Variants in HSD17B12 observed in about 807,000 individuals in gnomAD.
HSD17B12 encodes the protein hydroxysteroid 17-beta dehydrogenase 12.
A neutral mutation model predicts 39.3 loss-of-function variants in HSD17B12; 32 were observed. That is an observed-to-expected ratio of 0.81 (90% CI 0.61 to 1.09). The LOEUF (loss-of-function observed/expected upper bound fraction) is 1.09, where lower values mean the gene tolerates loss of function less well. Among genes scored for constraint, HSD17B12 ranks in the 50% least tolerant of loss-of-function variants. The pLI is 0.00. For synonymous variants in HSD17B12, 150 were observed against 146.7 expected, an observed-to-expected ratio of 1.02 and a Z score of -0.16; for missense variants, 342 against 382.9, an observed-to-expected ratio of 0.89 and a Z score of 0.89.
chr11:43,621,775 C>A, the HSD17B12 span, among the ~76,000 whole-genome samples: 1 of 152,192 alleles, frequency 6.6e-6, no homozygotes. Context: ...AATTCTCCAA[C>A]TAGAAATGGA....
chr11:43,561,735 GAAAGAA>G, the HSD17B12 span, among the ~76,000 whole-genome samples: 2 of 152,026 alleles, frequency 1.3e-5, no homozygotes, highest in African/African-American at 4.8e-5. Context: ...ACAGTACCTA[GAAAGAA>G]AAAGAAAAAG....
chr11:43,661,223 T>A, the HSD17B12 span, among the ~76,000 whole-genome samples: 4 of 152,168 alleles, frequency 2.6e-5, no homozygotes, highest in Non-Finnish European at 5.9e-5. Context: ...AAAAACCACA[T>A]GCTGCATGAT....
intron 1 of HSD17B12, among the ~76,000 whole-genome samples, chr11:43,690,373 TATATATATATATATA>T (rs1565049538): frequency 1.3e-3 from 19 of 14,200 alleles, no homozygotes; most frequent in South Asian, 3.6e-3. Context: ...TATATATATA[TATATATATATATATA>T]TATATATATA....
At chr11:43,603,263 T>TGAA in the HSD17B12 span, among the ~76,000 whole-genome samples, 1 of 152,220 alleles carries the variant, frequency 6.6e-6, no homozygotes, top group Non-Finnish European at 1.5e-5. Context: ...TCTGCAGGCA[T>TGAA]GAACATACAT....
intron 1 of HSD17B12, among the ~76,000 whole-genome samples, chr11:43,685,175 C>T (rs1257912244): frequency 1.3e-5 from 2 of 152,106 alleles, no homozygotes; most frequent in African/African-American, 4.8e-5. Flanking sequence ...TGATGGAACT[C>T]GTTTGGCTTT....
intron 3 of HSD17B12, among the ~76,000 whole-genome samples, chr11:43,780,726 T>C (rs1198886461): frequency 2.0e-5 from 3 of 152,176 alleles, no homozygotes; most frequent in African/African-American, 7.2e-5. Context: ...TGGCTCAGCA[T>C]GGTTCTTTAA....
chr11:43,735,703 T>C (rs1950310099), intron 1 of HSD17B12, among the ~76,000 whole-genome samples: 1 of 152,178 alleles, frequency 6.6e-6, no homozygotes, highest in East Asian at 1.9e-4. Flanking sequence ...TGGGTTGTTG[T>C]ATTAGTATGT....
chr11:43,753,340 C>G (rs1159134426), intron 2 of HSD17B12, among the ~76,000 whole-genome samples: 1 of 150,580 alleles, frequency 6.6e-6, no homozygotes, highest in African/African-American at 2.4e-5. Context: ...TTTCCTTTGC[C>G]AGTCCTCTGA....
intron 9 of HSD17B12, among the ~76,000 whole-genome samples, chr11:43,851,104 A>G (rs898672978): frequency 6.6e-6 from 1 of 152,064 alleles, no homozygotes; most frequent in Non-Finnish European, 1.5e-5. Context: ...TTTTATTTTT[A>G]TTGTTTTAAA....
At chr11:43,656,498 G>A in the HSD17B12 span, among the ~76,000 whole-genome samples, 2 of 152,086 alleles carry the variant, frequency 1.3e-5, no homozygotes, top group African/African-American at 4.8e-5. Context: ...ATGTTAGGGT[G>A]TCAATTTTAG....
chr11:43,750,907 C>A lies in HSD17B12; in HGVS notation c.161-4C>A. ...CTAAACTATTGCTTTTTTCCCTTTC[C>A]CAGTTGTCACAGGTAGTACTGATGG... On this transcript the variant is annotated splice_region_variant and splice_polypyrimidine_tract_variant and intron_variant, in intron 1 of 10. Coordinates refer to ENST00000278353, the MANE Select transcript of HSD17B12 (RefSeq NM_016142.3). 6.3e-7 allele frequency: 1 copy of A among 1,596,378 alleles called. No individual in the cohort carries two copies. The highest frequency in any genetic ancestry group is 1.7e-5 in the Admixed American group (1 of 58,388).
chr11:43,582,865 C>T, the HSD17B12 span, among the ~76,000 whole-genome samples: 58 of 152,256 alleles, frequency 3.8e-4, no homozygotes, highest in African/African-American at 1.3e-3. Flanking sequence ...AGGAAATTTT[C>T]CCTCCCTGAA....
chr11:43,799,051 A>G (rs1950941279), intron 4 of HSD17B12, among the ~76,000 whole-genome samples: 1 of 152,090 alleles, frequency 6.6e-6, no homozygotes, highest in South Asian at 2.1e-4. Context: ...TTTAAAGTGG[A>G]TGGTGCTGAC....
At chr11:43,810,914 C>T (rs762099281) in intron 4 of HSD17B12, among the ~76,000 whole-genome samples, 2 of 152,152 alleles carry the variant, frequency 1.3e-5, no homozygotes, top group African/African-American at 2.4e-5. Context: ...ATTTAAGATG[C>T]GACCATTTAG....
intron 1 of HSD17B12, among the ~76,000 whole-genome samples, chr11:43,684,738 G>A (rs1013630336): frequency 3.3e-5 from 5 of 152,162 alleles, no homozygotes; most frequent in Admixed American, 1.3e-4. Flanking sequence ...CCCATTTAAA[G>A]TGTACAATTC....
At chr11:43,679,576 C>T (rs1949721438), upstream of HSD17B12, among the ~76,000 whole-genome samples, 1 of 151,952 alleles carries the variant, frequency 6.6e-6, no homozygotes, top group Admixed American at 6.6e-5. Flanking sequence ...TTCTGTGCCC[C>T]CTGGAAATAC....
At chr11:43,846,682 GA>G (rs1294937603) in intron 9 of HSD17B12, among the ~76,000 whole-genome samples, 2 of 152,130 alleles carry the variant, frequency 1.3e-5, no homozygotes, top group Non-Finnish European at 2.9e-5. Context: ...TAAAAATAAA[GA>G]GGAGTCCTGA....
At chr11:43,696,885 A>G (rs1229830536) in intron 1 of HSD17B12, among the ~76,000 whole-genome samples, 1 of 152,196 alleles carries the variant, frequency 6.6e-6, no homozygotes, top group Non-Finnish European at 1.5e-5. Flanking sequence ...ACTGGAAGTC[A>G]TCATCCTCAG....
At chr11:43,650,054 C>T in the HSD17B12 span, among the ~76,000 whole-genome samples, 2 of 152,158 alleles carry the variant, frequency 1.3e-5, no homozygotes, top group East Asian at 3.9e-4. Flanking sequence ...TGGTACCCTT[C>T]CCAATTTCTG....
Sources: allele counts gnomAD v4.1 joint callset (sites outside exome capture counted in the v4.1 genomes callset), GRCh38; gene constraint gnomAD v4.1.1; transcripts MANE v1.5; gene names NCBI Gene and HGNC (gene_info 2026-07-23, HGNC 2026-07-21).